CHMP4B: variants seen among roughly 807,000 people sequenced by gnomAD.
CHMP4B encodes the protein charged multivesicular body protein 4B.
In CHMP4B, 1 loss-of-function variant was observed where a neutral mutation model predicts 25.1. The ratio of observed to expected loss-of-function variants is 0.04; its 90% CI spans 0.01 to 0.19. The LOEUF is 0.19. Among genes scored for constraint, CHMP4B ranks in the 10% least tolerant of loss-of-function variants. CHMP4B has a pLI of 1.00. For synonymous variants in CHMP4B, 101 were observed against 115.6 expected (o/e 0.87, Z 0.81); for missense variants, 151 against 289.7 (o/e 0.52, Z 3.48).
chr20:33,821,412 G>A (rs2122785678), intron 1 of CHMP4B, among the ~76,000 whole-genome samples: 1 of 151,422 alleles, frequency 6.6e-6, no homozygotes, highest in African/African-American at 2.4e-5. Flanking sequence ...AAAAATCCTG[G>A]TTTGTAGTCT....
intron 1 of CHMP4B, among the ~76,000 whole-genome samples, chr20:33,812,663 C>T (rs776846741): frequency 2.4e-4 from 36 of 152,214 alleles, no homozygotes; most frequent in Non-Finnish European, 2.9e-5. Context: ...GACATCCCTT[C>T]CCCTTGAGAG....
chr20:33,852,487 C>T (rs138368570), intron 4 of CHMP4B, among the ~76,000 whole-genome samples: 1,011 of 70,256 alleles, frequency 0.014, 13 homozygotes, highest in African/African-American at 0.055. Flanking sequence ...AGGGTGGGGG[C>T]GGGGTTGTCC....
At chr20:33,849,854 C>T (rs1420116898) in intron 2 of CHMP4B, among the ~76,000 whole-genome samples, 1 of 152,186 alleles carries the variant, frequency 6.6e-6, no homozygotes, top group African/African-American at 2.4e-5. Flanking sequence ...TAGCTCACTG[C>T]ACTCTCAAAA....
chr20:33,845,975 C>T (rs183715499), intron 1 of CHMP4B, among the ~76,000 whole-genome samples: 1 of 152,256 alleles, frequency 6.6e-6, no homozygotes, highest in African/African-American at 2.4e-5. Context: ...CTCTGCAGGA[C>T]CGGGCAGGCC....
At chr20:33,839,573 T>C (rs1457783432) in intron 1 of CHMP4B, among the ~76,000 whole-genome samples, 1 of 152,216 alleles carries the variant, frequency 6.6e-6, no homozygotes, top group Non-Finnish European at 1.5e-5. Flanking sequence ...TTTTACTGCA[T>C]ACCATCTGGA....
At position 33,830,933 on chromosome 20, in the gene CHMP4B, G is replaced by GTTTTTTTTTTTTTTTTTTTTTTTT. The variant is rs55917511; in HGVS notation, c.191-17518_191-17517insTTTTTTTTTTTTTTTTTTTTTTTT. 1.0e-3 allele frequency among the ~76,000 whole-genome samples: 103 copies of GTTTTTTTTTTTTTTTTTTTTTTTT among 102,514 alleles called. 4 individuals carry two copies. Among genetic ancestry groups the GTTTTTTTTTTTTTTTTTTTTTTTT allele is most frequent in the South Asian group, 1.9e-3 (5 of 2,604 alleles). 67.3% of individuals were successfully genotyped at this position (102,514 alleles called of 152,430 possible). A position where few individuals can be genotyped will look rare whatever the true frequency, so the allele number is the denominator to read the frequency against. ...TGAATTAATTGTTCAAAGGAACAGA[G>GTTTTTTTTTTTTTTTTTTTTTTTT]TTTTTTTTTTTTTTTTAGTTTTTTT... On this transcript the variant is annotated intron_variant, in intron 1 of 4. Transcript: ENST00000217402.
chr20:33,820,750 G>A (rs1978916433), intron 1 of CHMP4B, among the ~76,000 whole-genome samples: 1 of 152,130 alleles, frequency 6.6e-6, no homozygotes. Context: ...GAGCAGAAAG[G>A]AACTCAAAAT....
chr20:33,837,928 G>A (rs763722826), intron 1 of CHMP4B, among the ~76,000 whole-genome samples: 16 of 152,208 alleles, frequency 1.1e-4, no homozygotes, highest in Non-Finnish European at 1.5e-4. Flanking sequence ...CCTATTGTTA[G>A]AGCTCAAGGA....
chr20:33,849,748 G>A (rs6142034), intron 2 of CHMP4B, among the ~76,000 whole-genome samples: 24,884 of 152,048 alleles, frequency 0.16, 2,519 homozygotes, highest in East Asian at 0.59. Context: ...GCACCCTATG[G>A]GCTTGCCATC....
rs1601327096 is a variant in CHMP4B, at chr20:33,844,046, C to T, written c.191-4421C>T. Among the ~76,000 whole-genome samples, 3 of 152,332 alleles carry T rather than the reference C, an allele frequency of 2.0e-5. No individual in the cohort carries two copies. The East Asian group carries it at 5.8e-4, about 29-fold the overall frequency. On this transcript the variant is annotated intron_variant, in intron 1 of 4. Transcript: ENST00000217402. The stretch of plus-strand genomic sequence containing the variant: ...CGAAGAGGGGAAGAGGCTGTGTGAA[C>T]CCTGCAGGCAGGAAGGGGAGTCCTG...
intron 4 of CHMP4B, among the ~76,000 whole-genome samples, chr20:33,853,214 C>T (rs903223924): frequency 6.6e-6 from 1 of 152,146 alleles, no homozygotes; most frequent in Non-Finnish European, 1.5e-5. Context: ...GCTCTGGGAC[C>T]GAAGCCTTGT....
intron 4 of CHMP4B, among the ~76,000 whole-genome samples, chr20:33,852,751 A>G (rs942219452): frequency 1.5e-4 from 23 of 152,286 alleles, no homozygotes; most frequent in Admixed American, 5.9e-4. Flanking sequence ...CCCCTCTAGT[A>G]TCCTGTGCTG....
At chr20:33,850,923 G>A in intron 2 of CHMP4B, 29 bp from the exon 3 acceptor site, 1 of 1,511,648 alleles carries the variant, frequency 6.6e-7, no homozygotes, top group South Asian at 1.1e-5. Flanking sequence ...CTAATCGATT[G>A]ATATGATACC....
rs765312860 is a variant in CHMP4B, at chr20:33,851,012, G to C, written c.429G>C (p.Glu143Asp). 8.7e-6 allele frequency: 14 copies of C among 1,614,066 alleles called. No individual in the cohort carries two copies. The highest frequency in any genetic ancestry group is 1.7e-5 in the Admixed American group (1 of 60,010). The stretch of plus-strand genomic sequence containing the variant: ...TTGCTGACCAGCAAGAACTTGCAGA[G>C]GAGATTTCAACAGCAATTTCGAAAC... ...QDIADQQELA[E>D]EISTAISKPV... The change falls in exon 3 of 5, where the codon GAG becomes GAC. Residue 143 changes from glutamate to aspartate, a missense_variant. By Grantham distance (45) the Glu-to-Asp change is conservative. Transcript: ENST00000217402.
chr20:33,848,228 G>C (rs544110261), intron 1 of CHMP4B, among the ~76,000 whole-genome samples: 1 of 152,244 alleles, frequency 6.6e-6, no homozygotes, highest in East Asian at 1.9e-4. Flanking sequence ...GTGTGTGCGT[G>C]GTTACCCGAG....
chr20:33,839,288 C>A (rs1423338356), intron 1 of CHMP4B, among the ~76,000 whole-genome samples: 1 of 152,026 alleles, frequency 6.6e-6, no homozygotes, highest in African/African-American at 2.4e-5. Context: ...TCAAGTTGGG[C>A]GTTATGGAGT....
Position 33,853,883 on chromosome 20 carries a change from G to T in CHMP4B, c.*323G>T. On this transcript the variant is annotated 3_prime_UTR_variant, in exon 5 of 5. Coordinates refer to ENST00000217402, the MANE Select transcript of CHMP4B (RefSeq NM_176812.5). ...TCCACTGCTGAATCCTCAATGGAAA[G>T]GGTCGACTGGTTGCAGTTGAAATGA... 2.3e-6 allele frequency: 1 copy of T among 435,378 alleles called. No homozygotes were observed. The allele number at this position is 435,378 out of a possible 1,614,324, so 27.0% of individuals were successfully genotyped here.
intron 2 of CHMP4B, among the ~76,000 whole-genome samples, chr20:33,850,411 A>G (rs1979814067): frequency 6.6e-6 from 1 of 152,164 alleles, no homozygotes; most frequent in Non-Finnish European, 1.5e-5. Flanking sequence ...GCAAATGTTG[A>G]CGTATATGTG....
chr20:33,839,912 G>T (rs1217916034), intron 1 of CHMP4B, among the ~76,000 whole-genome samples: 1 of 152,176 alleles, frequency 6.6e-6, no homozygotes, highest in Non-Finnish European at 1.5e-5. Context: ...CTACCTCATA[G>T]ATAGGTTGTT....
Sources: gnomAD v4.1 joint callset for allele counts (sites outside exome capture counted in the v4.1 genomes callset) on GRCh38, gnomAD v4.1.1 for gene constraint, MANE v1.5 for transcripts, NCBI Gene and HGNC (gene_info 2026-07-23, HGNC 2026-07-21) for gene names.